Variants in TMEM260 observed in about 807,000 individuals in gnomAD.
TMEM260 encodes the protein transmembrane protein 260, also known as protein O-mannosyl-transferase TMEM260.
In TMEM260, 82 loss-of-function variants were observed where a neutral mutation model predicts 88.9. The observed-to-expected ratio is 0.92, with a 90% CI of 0.77 to 1.11. The LOEUF is 1.11. TMEM260 is among the 50% of genes least tolerant of loss of function. TMEM260 has a pLI of 0.00. For synonymous variants in TMEM260, 314 were observed against 309.3 expected, an observed-to-expected ratio of 1.02 and a Z score of -0.16; for missense variants, 902 against 853.4, an observed-to-expected ratio of 1.06 and a Z score of -0.71.
intron 15 of TMEM260, among the ~76,000 whole-genome samples, chr14:56,646,189 T>TGG (rs1482844638): frequency 3.9e-4 from 59 of 152,348 alleles, no homozygotes; most frequent in African/African-American, 1.3e-3. Flanking sequence ...AAACAATATA[T>TGG]CAAACATGAA....
intron 3 of TMEM260, among the ~76,000 whole-genome samples, chr14:56,599,190 A>C (rs2139538519): frequency 6.6e-6 from 1 of 152,152 alleles, no homozygotes; most frequent in South Asian, 2.1e-4. Flanking sequence ...TATTCAGTCT[A>C]GGCCCCATGA....
the TMEM260 span, among the ~76,000 whole-genome samples, chr14:56,658,566 A>G: frequency 6.6e-6 from 1 of 151,896 alleles, no homozygotes; most frequent in African/African-American, 2.4e-5. Flanking sequence ...CATTTCACAA[A>G]TCCAAATTGA....
At chr14:56,616,723 A>G (rs1039890700) in intron 8 of TMEM260, among the ~76,000 whole-genome samples, 2 of 152,068 alleles carry the variant, frequency 1.3e-5, no homozygotes, top group Non-Finnish European at 2.9e-5. Flanking sequence ...TTATGCCTGC[A>G]TGATAAATAA....
intron 15 of TMEM260, among the ~76,000 whole-genome samples, chr14:56,638,594 C>T (rs1282609911): frequency 2.6e-5 from 4 of 151,972 alleles, no homozygotes; most frequent in Admixed American, 6.6e-5. Context: ...ATTGGTATCT[C>T]CTTTGCACAT....
intron 11 of TMEM260, among the ~76,000 whole-genome samples, chr14:56,623,365 A>G (rs558277729): frequency 1.3e-5 from 2 of 152,254 alleles, no homozygotes; most frequent in Admixed American, 1.3e-4. Context: ...TCACAACCTA[A>G]AACAAAGCAC....
At chr14:56,640,475 C>T (rs1371674691) in intron 15 of TMEM260, among the ~76,000 whole-genome samples, 1 of 152,086 alleles carries the variant, frequency 6.6e-6, no homozygotes, top group Admixed American at 6.5e-5. Flanking sequence ...GAAAGGACAT[C>T]CACACCAAAA....
At chr14:56,600,536 T>C (rs145472274) in intron 3 of TMEM260, among the ~76,000 whole-genome samples, 49 of 152,262 alleles carry the variant, frequency 3.2e-4, no homozygotes, top group African/African-American at 1.1e-3. Context: ...AATAGACATT[T>C]CTTTAAGGGA....
downstream of TMEM260, among the ~76,000 whole-genome samples, chr14:56,652,343 CA>C (rs1044528256): frequency 1.1e-4 from 16 of 151,966 alleles, no homozygotes; most frequent in Admixed American, 3.9e-4. Context: ...AAAAGAAATA[CA>C]AAAATTAGCA....
intron 15 of TMEM260, among the ~76,000 whole-genome samples, chr14:56,646,163 G>T (rs545398926): frequency 3.5e-4 from 54 of 152,164 alleles, no homozygotes; most frequent in Non-Finnish European, 7.2e-4. Flanking sequence ...GGACAACTGA[G>T]GGTTATTAAC....
Position 56,618,574 on chromosome 14 carries a change from G to C in TMEM260, c.1057-20G>C. ...ATTAAATAGTCAACTGGACCCACTG[G>C]TTGCATGTCTCTTTCACAGGTGGAA... On this transcript the variant is annotated intron_variant, in intron 9 of 15. Transcript: ENST00000261556. 6.2e-7 allele frequency: 1 copy of C among 1,612,112 alleles called. No individual in the cohort carries two copies. The highest frequency in any genetic ancestry group is 1.1e-5 in the South Asian group (1 of 90,626).
At chr14:56,627,776 T>C (rs1888329695) in intron 12 of TMEM260, among the ~76,000 whole-genome samples, 1 of 152,238 alleles carries the variant, frequency 6.6e-6, no homozygotes, top group Non-Finnish European at 1.5e-5. Context: ...ATATTTACTT[T>C]TCTTGTTAGG....
At chr14:56,596,419 TA>T (rs1322206923) in intron 3 of TMEM260, among the ~76,000 whole-genome samples, 1 of 131,356 alleles carries the variant, frequency 7.6e-6, no homozygotes, top group Non-Finnish European at 1.6e-5. Context: ...TATATATATA[TA>T]TATATACATA....
chr14:56,660,806 TCTAC>T, the TMEM260 span, among the ~76,000 whole-genome samples: 2 of 152,212 alleles, frequency 1.3e-5, no homozygotes, highest in African/African-American at 4.8e-5. Context: ...CTCTCTCTTC[TCTAC>T]CTGTTACAAT....
intron 4 of TMEM260, 62 bp from the exon 5 acceptor site, chr14:56,605,505 TTTA>T: frequency 2.2e-6 from 2 of 896,796 alleles, no homozygotes; most frequent in Non-Finnish European, 3.3e-6. Flanking sequence ...AAAATGGCTT[TTTA>T]TTATGTTCTT....
chr14:56,661,173 A>G, the TMEM260 span, among the ~76,000 whole-genome samples: 1 of 152,066 alleles, frequency 6.6e-6, no homozygotes, highest in Non-Finnish European at 1.5e-5. Context: ...GGAGGATCCA[A>G]CCCTGGGCCA....
intron 9 of TMEM260, 74 bp from the exon 10 acceptor site, chr14:56,618,519 TA>T (rs1887719781): frequency 2.1e-6 from 3 of 1,413,756 alleles, no homozygotes; most frequent in Admixed American, 2.0e-5. Context: ...GCAGCATATT[TA>T]AAAAATATAT....
At chr14:56,616,621 A>G (rs1221345346) in intron 8 of TMEM260, among the ~76,000 whole-genome samples, 3 of 152,048 alleles carry the variant, frequency 2.0e-5, no homozygotes. Flanking sequence ...AGAGGTCTTT[A>G]GATTGCTTCC....
At chr14:56,601,929 A>G (rs1219486875) in intron 3 of TMEM260, among the ~76,000 whole-genome samples, 1 of 152,160 alleles carries the variant, frequency 6.6e-6, no homozygotes, top group Non-Finnish European at 1.5e-5. Flanking sequence ...CCCTGGCTCT[A>G]GAATCAGCCA....
chr14:56,636,509 A>G lies in TMEM260; in HGVS notation c.1780A>G (p.Met594Val), dbSNP rs1235913103. The G allele has an allele frequency of 6.2e-7, 1 of 1,613,996 alleles. No individual in the cohort carries two copies. Among genetic ancestry groups the G allele is most frequent in the East Asian group, 2.2e-5 (1 of 44,870 alleles). Residue 594 changes from methionine (M) to valine (V), a missense_variant and splice_region_variant, in exon 15 of 16, where the codon ATG becomes GTG. Met to Val is a conservative substitution (Grantham distance 21). Transcript: ENST00000261556. The part of the protein sequence containing the change: ...VANEEMWQAR[M>V]KTPFFIFNLA... Reference sequence around the variant, plus strand: ...GAAGGTTCCTATCCCCACCCCCAGGATGAAAACACCGTTCTTCATCTTTAA... The same window carrying G: ...GAAGGTTCCTATCCCCACCCCCAGGGTGAAAACACCGTTCTTCATCTTTAA...
Sources: gnomAD v4.1 joint callset for allele counts (sites outside exome capture counted in the v4.1 genomes callset) on GRCh38, gnomAD v4.1.1 for gene constraint, MANE v1.5 for transcripts, NCBI Gene and HGNC (gene_info 2026-07-23, HGNC 2026-07-21) for gene names.